COL24A1: variants seen among roughly 807,000 people sequenced by gnomAD.
COL24A1 encodes the protein collagen type XXIV alpha 1 chain.
Under a neutral mutation model 253.9 loss-of-function variants are expected in COL24A1, and 224 were observed. The observed-to-expected ratio is 0.88, with a 90% CI of 0.79 to 0.99. COL24A1 has a LOEUF of 0.99. Ranked by LOEUF, COL24A1 falls within the 50% of genes least tolerant of loss-of-function variation. The probability of loss-of-function intolerance (pLI) is 0.00; values close to 1 mark genes in which losing one functional copy is unlikely to be tolerated. For synonymous variants in COL24A1, 685 were observed against 673.7 expected, an observed-to-expected ratio of 1.02 and a Z score of -0.26; for missense variants, 2,131 against 2,068.5, an observed-to-expected ratio of 1.03 and a Z score of -0.59.
chr1:85,905,919 T>C (rs1684773953), intron 28 of COL24A1, among the ~76,000 whole-genome samples: 1 of 152,094 alleles, frequency 6.6e-6, no homozygotes, highest in South Asian at 2.1e-4. Context: ...AACTTTCCCA[T>C]TATGACTTAT....
At chr1:86,022,673 A>G (rs941555106) in intron 16 of COL24A1, 82 bp from the exon 17 acceptor site, 7 of 1,431,574 alleles carry the variant, frequency 4.9e-6, no homozygotes, top group Middle Eastern at 1.8e-4. Context: ...TCATTGTAGA[A>G]GAATAATTTC....
At chr1:85,768,588 G>GT (rs1558048473) in intron 53 of COL24A1, among the ~76,000 whole-genome samples, 1 of 43,166 alleles carries the variant, frequency 2.3e-5, no homozygotes, top group Non-Finnish European at 5.9e-5. Flanking sequence ...TCTTTTGTGC[G>GT]GGGGGAGGGC....
chr1:86,082,384 A>T (rs976088788), intron 7 of COL24A1, among the ~76,000 whole-genome samples: 1 of 152,078 alleles, frequency 6.6e-6, no homozygotes, highest in Non-Finnish European at 1.5e-5. Context: ...CTTATGCATT[A>T]TCTATGTGTA....
chr1:86,067,444 G>C (rs897068503), intron 7 of COL24A1, among the ~76,000 whole-genome samples: 1 of 152,106 alleles, frequency 6.6e-6, no homozygotes, highest in African/African-American at 2.4e-5. Flanking sequence ...CCCAGTGCCT[G>C]GTACATAGTT....
chr1:86,102,016 CT>C (rs199582840), intron 5 of COL24A1, among the ~76,000 whole-genome samples: 14 of 146,122 alleles, frequency 9.6e-5, no homozygotes, highest in East Asian at 8.0e-4. Flanking sequence ...TGGTCCTGAG[CT>C]TTTTTTTTTA....
intron 18 of COL24A1, among the ~76,000 whole-genome samples, chr1:86,021,374 T>C (rs538364571): frequency 3.9e-5 from 6 of 152,284 alleles, no homozygotes; most frequent in African/African-American, 1.2e-4. Context: ...CTTAAAATAT[T>C]AAACCCTAAA....
intron 56 of COL24A1, among the ~76,000 whole-genome samples, chr1:85,745,106 A>T (rs1557967255): frequency 6.6e-6 from 1 of 151,958 alleles, no homozygotes; most frequent in Non-Finnish European, 1.5e-5. Flanking sequence ...TTGAATCATT[A>T]GAGTTTAAAT....
chr1:85,961,684 C>T (rs1053830498), intron 23 of COL24A1, among the ~76,000 whole-genome samples: 11 of 152,078 alleles, frequency 7.2e-5, no homozygotes, highest in South Asian at 2.1e-4. Flanking sequence ...CACAGTTCCA[C>T]GGTTTAACAC....
At chr1:85,799,668 A>C (rs1332301404) in intron 47 of COL24A1, among the ~76,000 whole-genome samples, 2 of 152,230 alleles carry the variant, frequency 1.3e-5, no homozygotes, top group African/African-American at 4.8e-5. Flanking sequence ...TTTATAGAAA[A>C]GATTTCCATG....
At chr1:85,804,956 ACTT>A (rs1227411067) in intron 47 of COL24A1, among the ~76,000 whole-genome samples, 2 of 151,902 alleles carry the variant, frequency 1.3e-5, no homozygotes, top group South Asian at 2.1e-4. Flanking sequence ...AAGCAATCCT[ACTT>A]CTTCAATCTC....
chr1:85,893,501 G>A (rs985901421), intron 31 of COL24A1, among the ~76,000 whole-genome samples: 1 of 152,046 alleles, frequency 6.6e-6, no homozygotes, highest in Non-Finnish European at 1.5e-5. Flanking sequence ...TAACGTATGA[G>A]TTATGATAGT....
chr1:85,825,264 T>C lies in COL24A1; in HGVS notation c.3682-1526A>G, dbSNP rs549500670. Reference sequence around the variant, plus strand: ...CAAAGGACATGAACTCATCATTTTTTATGGCTGCATAGTATTCCATGGTGT... The same window carrying C: ...CAAAGGACATGAACTCATCATTTTTCATGGCTGCATAGTATTCCATGGTGT... On this transcript the variant is annotated intron_variant, in intron 43 of 59. Transcript: ENST00000370571. Among the ~76,000 whole-genome samples the C allele has an allele frequency of 9.2e-5, 14 of 152,290 alleles. No individual in the cohort carries two copies. In the East Asian group the frequency reaches 9.6e-4, roughly 10 times the overall value.
chr1:85,817,016 T>C, intron 46 of COL24A1, 121 bp from the exon 47 acceptor site: 1 of 684,220 alleles, frequency 1.5e-6, no homozygotes, highest in Non-Finnish European at 2.4e-6. Context: ...AGGACAAATT[T>C]TCCTGTTTCC....
intron 7 of COL24A1, among the ~76,000 whole-genome samples, chr1:86,079,585 A>T (rs1387878363): frequency 6.6e-6 from 1 of 152,196 alleles, no homozygotes; most frequent in Non-Finnish European, 1.5e-5. Context: ...AGAATGTAGA[A>T]GGTGCTCAAA....
At chr1:85,896,777 C>T (rs951927247) in intron 28 of COL24A1, among the ~76,000 whole-genome samples, 1 of 152,188 alleles carries the variant, frequency 6.6e-6, no homozygotes, top group East Asian at 1.9e-4. Flanking sequence ...GGATTACAGG[C>T]GTGAGCCACC....
chr1:85,821,138 G>A lies in COL24A1; in HGVS notation c.3789+2398C>T, dbSNP rs188225341. Among the ~76,000 whole-genome samples, 429 of 152,242 alleles carry A rather than the reference G, an allele frequency of 2.8e-3. 4 individuals are homozygous for A. The highest frequency in any genetic ancestry group is 9.2e-3 in the African/African-American group (383 of 41,540). On this transcript the variant is annotated intron_variant, in intron 45 of 59. Coordinates refer to ENST00000370571, the MANE Select transcript of COL24A1 (RefSeq NM_152890.7). ...TTGGCTTGAGTCTTGGTCTTTGAGA[G>A]TCATTATAGGACAGTTCACTCACAT...
intron 32 of COL24A1, among the ~76,000 whole-genome samples, chr1:85,886,249 A>G (rs112826747): frequency 0.2 from 29,993 of 151,676 alleles, 3,323 homozygotes; most frequent in Non-Finnish European, 0.24. Context: ...GGGTTTCACT[A>G]TATTGGTCAG....
At chr1:85,760,762 T>C (rs1269529407) in intron 55 of COL24A1, among the ~76,000 whole-genome samples, 1 of 152,100 alleles carries the variant, frequency 6.6e-6, no homozygotes, top group African/African-American at 2.4e-5. Context: ...AGGTTGCAGA[T>C]GGAGAGAGAC....
At chr1:86,065,814 A>G (rs2101801568) in intron 7 of COL24A1, among the ~76,000 whole-genome samples, 1 of 152,212 alleles carries the variant, frequency 6.6e-6, no homozygotes, top group East Asian at 1.9e-4. Context: ...TCTTTTTTAA[A>G]AAAATGAAGT....
Sources: gnomAD v4.1 joint callset for allele counts (sites outside exome capture counted in the v4.1 genomes callset) on GRCh38, gnomAD v4.1.1 for gene constraint, MANE v1.5 for transcripts, NCBI Gene and HGNC (gene_info 2026-07-23, HGNC 2026-07-21) for gene names.